The following RANBP2 variants were observed in gnomAD, a reference collection of about 807,000 sequenced individuals.
RANBP2 encodes E3 SUMO-protein ligase RanBP2.
A neutral mutation model predicts 303.6 loss-of-function variants in RANBP2; 57 were observed. That is an observed-to-expected ratio of 0.19 (90% CI 0.15 to 0.23). The LOEUF (loss-of-function observed/expected upper bound fraction) is 0.23. Among genes scored for constraint, RANBP2 ranks in the 10% least tolerant of loss-of-function variants. The pLI is 1.00. For missense variants in RANBP2, 3,138 were observed against 3,780.8 expected, an observed-to-expected ratio of 0.83 and a Z score of 4.46; for synonymous variants, 1,167 against 1,301.5, an observed-to-expected ratio of 0.90 and a Z score of 2.23.
At chr2:108,929,100 C>A in the RANBP2 span, 18 of 1,388,474 alleles carry the variant, frequency 1.3e-5, no homozygotes, top group Admixed American at 1.8e-5. Flanking sequence ...CCGAGGCCTG[C>A]AGTATCCATG....
At chr2:109,456,070 C>T in the RANBP2 span, among the ~76,000 whole-genome samples, 2 of 152,218 alleles carry the variant, frequency 1.3e-5, no homozygotes, top group African/African-American at 2.4e-5. Context: ...TCTGATGCAT[C>T]GCTGGGCTCC....
chr2:109,126,795 A>T, the RANBP2 span, among the ~76,000 whole-genome samples: 11 of 152,134 alleles, frequency 7.2e-5, no homozygotes, highest in South Asian at 1.5e-3. Flanking sequence ...CTCCCTTTAA[A>T]ATTTACCTAG....
At chr2:109,418,478 C>A in the RANBP2 span, among the ~76,000 whole-genome samples, 1 of 152,022 alleles carries the variant, frequency 6.6e-6, no homozygotes. Flanking sequence ...TGGTGGCTGC[C>A]GGCATCCTCA....
the RANBP2 span, chr2:108,873,303 GATA>G: frequency 1.8e-6 from 1 of 541,912 alleles, no homozygotes; most frequent in Non-Finnish European, 2.7e-6. Context: ...TTCAAATGAT[GATA>G]TTTTCACTCA....
chr2:109,143,364 G>A, the RANBP2 span, among the ~76,000 whole-genome samples: 2 of 152,186 alleles, frequency 1.3e-5, no homozygotes, highest in African/African-American at 4.8e-5. Context: ...AAAGCGAGAT[G>A]TGCAATCTCA....
At chr2:109,438,201 A>G in the RANBP2 span, among the ~76,000 whole-genome samples, 2 of 152,224 alleles carry the variant, frequency 1.3e-5, no homozygotes, top group East Asian at 1.9e-4. Context: ...CTGATGGGAC[A>G]AGGGGTGGGA....
chr2:109,577,000 G>C, the RANBP2 span, among the ~76,000 whole-genome samples: 1 of 151,992 alleles, frequency 6.6e-6, no homozygotes, highest in Non-Finnish European at 1.5e-5. Flanking sequence ...ATCACAAGCA[G>C]GGTAAATTAG....
the RANBP2 span, among the ~76,000 whole-genome samples, chr2:109,211,657 T>C: frequency 6.6e-6 from 1 of 151,610 alleles, no homozygotes. Flanking sequence ...TCTTTTTTTT[T>C]TTTTTGAGAT....
chr2:108,955,871 T>C, the RANBP2 span, among the ~76,000 whole-genome samples: 1 of 151,272 alleles, frequency 6.6e-6, no homozygotes, highest in Non-Finnish European at 1.5e-5. Flanking sequence ...CTAAAAAAAA[T>C]ACAAAAAATT....
At chr2:109,338,764 G>A in the RANBP2 span, among the ~76,000 whole-genome samples, 2 of 152,092 alleles carry the variant, frequency 1.3e-5, no homozygotes, top group Non-Finnish European at 1.5e-5. Context: ...CACCATGTTG[G>A]CCAGGCTGGT....
chr2:109,408,827 G>A, the RANBP2 span, among the ~76,000 whole-genome samples: 1 of 152,258 alleles, frequency 6.6e-6, no homozygotes, highest in African/African-American at 2.4e-5. Flanking sequence ...AAGCTGGATG[G>A]AGAAGCCTCT....
chr2:109,689,229 T>A, the RANBP2 span, among the ~76,000 whole-genome samples: 6 of 152,272 alleles, frequency 3.9e-5, no homozygotes, highest in Admixed American at 3.3e-4. Context: ...TCTAGGAACC[T>A]GTTACCTCTG....
the RANBP2 span, among the ~76,000 whole-genome samples, chr2:108,958,640 A>G: frequency 6.6e-6 from 1 of 152,232 alleles, no homozygotes; most frequent in Non-Finnish European, 1.5e-5. Context: ...TGGCAGAGCC[A>G]GGAGTCAGTC....
chr2:109,326,211 GCTT>G, the RANBP2 span, among the ~76,000 whole-genome samples: 1 of 152,156 alleles, frequency 6.6e-6, no homozygotes. Flanking sequence ...TCTGTAACTT[GCTT>G]CTTCCACCCA....
chr2:109,262,566 C>T, the RANBP2 span, among the ~76,000 whole-genome samples: 3 of 152,138 alleles, frequency 2.0e-5, no homozygotes, highest in African/African-American at 7.2e-5. Flanking sequence ...TATTATTTTA[C>T]GTAATGTTGT....
the RANBP2 span, among the ~76,000 whole-genome samples, chr2:109,273,507 C>T: frequency 6.6e-6 from 1 of 152,170 alleles, no homozygotes; most frequent in Non-Finnish European, 1.5e-5. Flanking sequence ...AGTGGAGGAC[C>T]AGGTGAATGC....
At chr2:109,235,188 C>T in the RANBP2 span, among the ~76,000 whole-genome samples, 2 of 152,144 alleles carry the variant, frequency 1.3e-5, no homozygotes, top group African/African-American at 2.4e-5. Flanking sequence ...CGGGAGGAAC[C>T]TGTCTTCTAA....
At chr2:109,766,909 A>T in the RANBP2 span, among the ~76,000 whole-genome samples, 36 of 148,990 alleles carry the variant, frequency 2.4e-4, 3 homozygotes, top group Admixed American at 6.2e-4. Flanking sequence ...TTTTATTTCA[A>T]AGTGAAATCC....
chr2:108,873,579 T>G, the RANBP2 span: 2 of 1,593,578 alleles, frequency 1.3e-6, no homozygotes, highest in South Asian at 2.3e-5. Context: ...ACAGAAACTT[T>G]CCAAAATCAA....
Sources: allele counts gnomAD v4.1 joint callset (sites outside exome capture counted in the v4.1 genomes callset), GRCh38; gene constraint gnomAD v4.1.1; transcripts MANE v1.5; gene names NCBI Gene and HGNC (gene_info 2026-07-23, HGNC 2026-07-21).